SRSF4: variants seen among roughly 807,000 people sequenced by gnomAD.
SRSF4 encodes serine/arginine-rich splicing factor 4.
In SRSF4, 12 loss-of-function variants were observed where a neutral mutation model predicts 48.8. That is an observed-to-expected ratio of 0.25 (90% confidence interval 0.16 to 0.40). The LOEUF is 0.40. Among genes scored for constraint, SRSF4 ranks in the 10% least tolerant of loss-of-function variants. The pLI is 1.00. For missense variants in SRSF4, 466 were observed against 667.1 expected (o/e 0.70, Z 3.32); for synonymous variants, 248 against 232.5 (o/e 1.07, Z -0.61).
At chr1:29,159,108 A>AC (rs1553322376) in intron 3 of SRSF4, among the ~76,000 whole-genome samples, 1 of 148,438 alleles carries the variant, frequency 6.7e-6, no homozygotes, top group Non-Finnish European at 1.5e-5. Flanking sequence ...TCCATCTCAA[A>AC]CAAACCAAAC....
At chr1:29,180,825 C>T (rs1268412913) in intron 1 of SRSF4, among the ~76,000 whole-genome samples, 1 of 152,180 alleles carries the variant, frequency 6.6e-6, no homozygotes, top group African/African-American at 2.4e-5. Flanking sequence ...ATTAAGAATA[C>T]AAGTAATAGA....
At chr1:29,158,428 T>TA (rs1167084887) in intron 3 of SRSF4, among the ~76,000 whole-genome samples, 1 of 140,236 alleles carries the variant, frequency 7.1e-6, no homozygotes, top group Non-Finnish European at 1.6e-5. Flanking sequence ...CATCTTCTTG[T>TA]AACCCTTTTT....
chr1:29,155,937 C>T (rs1017343557), intron 3 of SRSF4, among the ~76,000 whole-genome samples: 1 of 152,060 alleles, frequency 6.6e-6, no homozygotes, highest in African/African-American at 2.4e-5. Flanking sequence ...AATGCTAAAG[C>T]ATTATATAAA....
intron 1 of SRSF4, among the ~76,000 whole-genome samples, chr1:29,178,908 G>A: frequency 6.6e-6 from 1 of 152,142 alleles, no homozygotes; most frequent in East Asian, 1.9e-4. Flanking sequence ...GATGCCAGGA[G>A]GTCATATTGT....
rs566402377 is a variant in SRSF4 at position 29,165,154 on chromosome 1, G to A, written c.108-4637C>T. Among the ~76,000 whole-genome samples the A allele has an allele frequency of 3.3e-5, 5 of 152,210 alleles. No individual in the cohort carries two copies. The East Asian group carries it at 9.7e-4, about 29-fold the overall frequency. ...TCACAAACCTAGTCAAAAGAATGAG[G>A]GGAAGTTGCTGTCATTTTCCCTGTA... On this transcript the variant is annotated intron_variant, in intron 1 of 5. Transcript: ENST00000373795.
chr1:29,180,999 C>T (rs965630185), intron 1 of SRSF4, among the ~76,000 whole-genome samples: 2 of 152,172 alleles, frequency 1.3e-5, no homozygotes, highest in African/African-American at 4.8e-5. Context: ...AAACTCTGCA[C>T]GGAGTCTTAA....
Position 29,148,321 on chromosome 1 carries a change from G to A in SRSF4, c.*89C>T. The A allele has an allele frequency of 6.7e-7, 1 of 1,484,834 alleles. No homozygotes were observed. The highest frequency in any genetic ancestry group is 1.3e-5 in the South Asian group (1 of 78,604). The allele number at this position is 1,484,834 out of a possible 1,614,324, so 92.0% of individuals were successfully genotyped here. ...TTAGGGGAGTTAAAAATGTACAGCA[G>A]TGACATGTTCTACTCCAATCACTTG... On this transcript the variant is annotated 3_prime_UTR_variant, in exon 6 of 6. Transcript: ENST00000373795.
In SRSF4 at chr1:29,174,854, A is replaced by G. The variant is rs1162408191; in HGVS notation, c.107+6792T>C. 3.3e-5 allele frequency among the ~76,000 whole-genome samples: 5 copies of G among 151,702 alleles called. No homozygotes were observed. The East Asian group carries it at 9.8e-4, about 30-fold the overall frequency. ...ATGCCCAGCTAATTTTTGTATTTTT[A>G]GTAGAGACAGGGTTTCACCATGTTG... is the stretch of plus-strand genomic sequence containing the variant. On this transcript the variant is annotated intron_variant, in intron 1 of 5. Coordinates refer to ENST00000373795, the MANE Select transcript of SRSF4 (RefSeq NM_005626.5).
intron 1 of SRSF4, among the ~76,000 whole-genome samples, chr1:29,167,911 C>A (rs1380072562): frequency 6.6e-6 from 1 of 151,834 alleles, no homozygotes; most frequent in African/African-American, 2.4e-5. Flanking sequence ...TTGGAGTAAG[C>A]AACTTGCTCA....
chr1:29,164,323 C>T (rs1286206284), intron 1 of SRSF4, among the ~76,000 whole-genome samples: 4 of 152,282 alleles, frequency 2.6e-5, no homozygotes, highest in East Asian at 3.9e-4. Flanking sequence ...TAATTAGTGC[C>T]TTCAACAAAG....
chr1:29,150,662 A>C (rs1312386363), intron 4 of SRSF4, among the ~76,000 whole-genome samples: 1 of 152,174 alleles, frequency 6.6e-6, no homozygotes, highest in South Asian at 2.1e-4. Context: ...TTCCATCTGG[A>C]TGGTTCACCT....
intron 1 of SRSF4, chr1:29,168,478 G>T (rs1010219390): frequency 6.6e-6 from 1 of 152,122 alleles, no homozygotes. Context: ...ATGGGGTAAA[G>T]TCTCTAGAGA....
chr1:29,151,347 A>G (rs960341890), intron 4 of SRSF4, among the ~76,000 whole-genome samples: 1 of 152,226 alleles, frequency 6.6e-6, no homozygotes. Flanking sequence ...ACTAAGAAAA[A>G]TAAGCCAGGA....
Position 29,150,166 on chromosome 1 carries a change from C to G in SRSF4, c.605G>C (p.Arg202Pro). Residue 202 changes from arginine (R) to proline (P), a missense_variant, in exon 5 of 6, where the codon CGT (arginine) becomes CCT (proline). This residue lies in a region of SRSF4 where 402 missense variants were observed against 437.0 expected (regional missense o/e 0.92). Transcript: ENST00000373795. ...GCTGCCACTTCGGCTTCTGCTCTTA[C>G]GGGAATGTCTGCTTCGAGAGCGAGA... is the stretch of plus-strand genomic sequence containing the variant. Reference protein sequence around the residue: ...SRSRSRSRHSRKSRSRSGSSK... With the variant: ...SRSRSRSRHSPKSRSRSGSSK... The G allele has an allele frequency of 6.2e-7, 1 of 1,613,952 alleles. No individual in the cohort carries two copies. Among genetic ancestry groups the G allele is most frequent in the South Asian group, 1.1e-5 (1 of 91,080 alleles).
chr1:29,149,959 G>C (rs564462677), intron 5 of SRSF4, 144 bp downstream of exon 5: 1 of 639,154 alleles, frequency 1.6e-6, no homozygotes, highest in Non-Finnish European at 2.7e-6. Flanking sequence ...GCCCAGTGAG[G>C]TGAGGCTGCA....
At chr1:29,167,705 C>T (rs1047926644) in intron 1 of SRSF4, among the ~76,000 whole-genome samples, 1 of 152,114 alleles carries the variant, frequency 6.6e-6, no homozygotes, top group Non-Finnish European at 1.5e-5. Flanking sequence ...CTTTTTAAGT[C>T]TTGTTTTTGT....
intron 4 of SRSF4, among the ~76,000 whole-genome samples, chr1:29,152,223 C>A (rs1321781149): frequency 6.6e-6 from 1 of 152,140 alleles, no homozygotes; most frequent in Non-Finnish European, 1.5e-5. Context: ...TAAAATACTA[C>A]AGATACATAC....
intron 4 of SRSF4, among the ~76,000 whole-genome samples, chr1:29,153,901 T>C (rs931094042): frequency 5.3e-5 from 8 of 151,628 alleles, no homozygotes; most frequent in Admixed American, 3.9e-4. Flanking sequence ...GTGCCCGGCC[T>C]CTGATTTCCC....
chr1:29,162,208 T>C lies in SRSF4; in HGVS notation c.108-1691A>G, dbSNP rs567507921. 5.9e-5 allele frequency among the ~76,000 whole-genome samples: 9 copies of C among 152,320 alleles called. No homozygotes were observed. In the South Asian group the frequency reaches 1.9e-3, roughly 32 times the overall value. ...TATGGGCTGTGAAGTCTTTAAAACA[T>C]AGTTTCACGCTTCCATAGGCTAGAA... On this transcript the variant is annotated intron_variant, in intron 1 of 5. Coordinates refer to ENST00000373795, the MANE Select transcript of SRSF4 (RefSeq NM_005626.5).
Sources: gnomAD v4.1 joint callset for allele counts (sites outside exome capture counted in the v4.1 genomes callset) on GRCh38, gnomAD v4.1.1 for gene constraint, gnomAD v4.1.1 regional missense constraint, MANE v1.5 for transcripts, NCBI Gene and HGNC (gene_info 2026-07-23, HGNC 2026-07-21) for gene names.